Variants in CDH7 observed in about 807,000 individuals in gnomAD.
CDH7 encodes the protein cadherin 7.
CDH7 carries 25 observed loss-of-function variants against 71.8 expected under a neutral mutation model. The ratio of observed to expected loss-of-function variants is 0.35; its 90% confidence interval spans 0.25 to 0.49. The LOEUF (loss-of-function observed/expected upper bound fraction) is 0.49, where lower values mean the gene tolerates loss of function less well. Among genes scored for constraint, CDH7 ranks in the 20% least tolerant of loss-of-function variants. The probability of loss-of-function intolerance (pLI) is 0.99; values close to 1 mark genes in which losing one functional copy is unlikely to be tolerated. For missense variants in CDH7, 862 were observed against 974.6 expected (o/e 0.88, Z 1.54); for synonymous variants, 381 against 363.8 (o/e 1.05, Z -0.54).
intron 2 of CDH7, among the ~76,000 whole-genome samples, chr18:65,763,591 G>C (rs917165825): frequency 1.1e-5 from 1 of 87,030 alleles, no homozygotes; most frequent in African/African-American, 7.4e-5. Context: ...GTTTTGATAG[G>C]GGGGTGTGTG....
intron 6 of CDH7, among the ~76,000 whole-genome samples, chr18:65,835,779 A>C (rs1044291552): frequency 6.6e-6 from 1 of 152,184 alleles, no homozygotes; most frequent in Admixed American, 6.5e-5. Context: ...CAGACTACCT[A>C]AGTTCAGAGT....
rs144522212 is a variant in CDH7 at position 65,867,729 on chromosome 18, G to A, written c.1864+4812G>A. ...GGTGTTTCTGTACTTGGACTTCCAG[G>A]GCCCAGTAATTGAAGTCTTCTAGCG... On this transcript the variant is annotated intron_variant, in intron 11 of 11. Transcript: ENST00000397968. 2.6e-5 allele frequency among the ~76,000 whole-genome samples: 4 copies of A among 152,200 alleles called. No homozygotes were observed. The East Asian group carries it at 7.7e-4, about 29-fold the overall frequency.
At chr18:65,806,727 A>C (rs1034745200) in intron 2 of CDH7, among the ~76,000 whole-genome samples, 3 of 152,044 alleles carry the variant, frequency 2.0e-5, no homozygotes, top group East Asian at 3.9e-4. Flanking sequence ...TAAGAACGTG[A>C]TTTGCTATTT....
At chr18:65,786,649 A>G (rs567169775) in intron 2 of CDH7, among the ~76,000 whole-genome samples, 1 of 152,160 alleles carries the variant, frequency 6.6e-6, no homozygotes. Flanking sequence ...TGAGTCAGAG[A>G]TAATTTCCTT....
chr18:65,762,895 T>A lies in CDH7; in HGVS notation c.53T>A (p.Phe18Tyr). 1 of 1,613,548 alleles carries A rather than the reference T, an allele frequency of 6.2e-7. No individual in the cohort carries two copies. ...FCHFLQLIAL[F>Y]LCFSGMSQAE... Reference sequence around the variant, plus strand: ...CATTTTCTGCAGCTAATAGCTCTTTTCCTGTGTTTTTCTGGGATGAGTCAA... The same window carrying A: ...CATTTTCTGCAGCTAATAGCTCTTTACCTGTGTTTTTCTGGGATGAGTCAA... Residue 18 changes from phenylalanine (F) to tyrosine (Y), a missense_variant, in exon 2 of 12, where the codon TTC becomes TAC. Physicochemically the swap from Phe to Tyr is conservative, Grantham distance 22 (BLOSUM62 3). Transcript: ENST00000397968.
At chr18:65,783,949 TTTTA>T (rs368176137) in intron 2 of CDH7, among the ~76,000 whole-genome samples, 1,676 of 151,760 alleles carry the variant, frequency 0.011, 28 homozygotes, top group African/African-American at 0.036. Flanking sequence ...ATGATTTTTA[TTTTA>T]TTTATTTATT....
At position 65,809,686 on chromosome 18, in the gene CDH7, A is replaced by G. The variant is rs1428640944; in HGVS notation, c.211-18A>G. On this transcript the variant is annotated intron_variant, in intron 2 of 11. Coordinates refer to ENST00000397968, the MANE Select transcript of CDH7 (RefSeq NM_004361.5). ...CTCTCTTGTAAGTTAATCTCATCTCACATGAATTTTTCACCAGCTTCACTC... is the reference window on the plus strand; with the variant it reads ...CTCTCTTGTAAGTTAATCTCATCTCGCATGAATTTTTCACCAGCTTCACTC... 1.2e-6 allele frequency: 2 copies of G among 1,602,866 alleles called. No homozygotes were observed. The highest frequency in any genetic ancestry group is 2.7e-5 in the African/African-American group (2 of 74,662).
chr18:65,866,358 T>A, intron 11 of CDH7: 1 of 118,578 alleles, frequency 8.4e-6, no homozygotes, highest in African/African-American at 3.3e-5. Context: ...AGAATGAAAC[T>A]ATAGAAGTAC....
chr18:65,768,966 T>A (rs1916463014), intron 2 of CDH7, among the ~76,000 whole-genome samples: 1 of 152,064 alleles, frequency 6.6e-6, no homozygotes, highest in Non-Finnish European at 1.5e-5. Flanking sequence ...ATTTATCGCA[T>A]ACTTATACTG....
intron 2 of CDH7, among the ~76,000 whole-genome samples, chr18:65,795,805 C>T (rs981903595): frequency 1.3e-5 from 2 of 152,132 alleles, no homozygotes; most frequent in African/African-American, 4.8e-5. Context: ...ATGATCTCCT[C>T]ATATCGTGGG....
At chr18:65,832,994 C>A (rs970659056) in intron 6 of CDH7, among the ~76,000 whole-genome samples, 2 of 152,118 alleles carry the variant, frequency 1.3e-5, no homozygotes, top group African/African-American at 4.8e-5. Flanking sequence ...CGGTATCTGA[C>A]ATGTGATTTA....
At chr18:65,824,223 G>A (rs570488538) in intron 5 of CDH7, among the ~76,000 whole-genome samples, 1 of 150,016 alleles carries the variant, frequency 6.7e-6, no homozygotes, top group Non-Finnish European at 1.5e-5. Flanking sequence ...AATGATTTAG[G>A]CTTGTATTTG....
At chr18:65,768,798 A>G (rs554792990) in intron 2 of CDH7, among the ~76,000 whole-genome samples, 11 of 152,244 alleles carry the variant, frequency 7.2e-5, no homozygotes, top group African/African-American at 2.4e-4. Flanking sequence ...GTTTTGTATG[A>G]TTTATATTGA....
At chr18:65,838,386 A>G (rs1912609694) in intron 6 of CDH7, among the ~76,000 whole-genome samples, 1 of 152,240 alleles carries the variant, frequency 6.6e-6, no homozygotes, top group Non-Finnish European at 1.5e-5. Flanking sequence ...TTCATTTGAA[A>G]AACAGCTAGA....
intron 2 of CDH7, among the ~76,000 whole-genome samples, chr18:65,766,874 A>G (rs539225151): frequency 9.2e-4 from 124 of 135,342 alleles, no homozygotes; most frequent in Non-Finnish European, 5.3e-4. Context: ...ACGTCCTGTA[A>G]CTGTCTGACG....
At chr18:65,797,141 AAAC>A (rs1342641065) in intron 2 of CDH7, among the ~76,000 whole-genome samples, 3 of 152,146 alleles carry the variant, frequency 2.0e-5, no homozygotes, top group African/African-American at 7.2e-5. Context: ...GCAAAAACAA[AAAC>A]AACAACAGCA....
At chr18:65,781,992 CTCTT>C in intron 2 of CDH7, among the ~76,000 whole-genome samples, 2 of 86,928 alleles carry the variant, frequency 2.3e-5, no homozygotes, top group African/African-American at 8.0e-5. Context: ...CTCTCTTTCT[CTCTT>C]TCTCTCTTTC....
chr18:65,807,487 C>T (rs1474087050), intron 2 of CDH7, among the ~76,000 whole-genome samples: 5 of 152,124 alleles, frequency 3.3e-5, no homozygotes, highest in Admixed American at 3.3e-4. Context: ...TGATTAAAGA[C>T]ATGACCCATG....
At chr18:65,787,991 G>A (rs1910574943) in intron 2 of CDH7, among the ~76,000 whole-genome samples, 1 of 152,080 alleles carries the variant, frequency 6.6e-6, no homozygotes, top group Admixed American at 6.5e-5. Context: ...AAAATCAAGT[G>A]TTGAAATCAT....
Sources: gnomAD v4.1 joint callset for allele counts (sites outside exome capture counted in the v4.1 genomes callset) on GRCh38, gnomAD v4.1.1 for gene constraint, MANE v1.5 for transcripts, NCBI Gene and HGNC (gene_info 2026-07-23, HGNC 2026-07-21) for gene names.